The following HCN2 variants were observed in gnomAD, a reference collection of about 807,000 sequenced individuals.
HCN2 encodes potassium/sodium hyperpolarization-activated cyclic nucleotide-gated channel 2.
Under a neutral mutation model 52.3 loss-of-function variants are expected in HCN2, and 20 were observed. The ratio of observed to expected loss-of-function variants is 0.38; its 90% CI spans 0.27 to 0.56. HCN2 has a LOEUF of 0.56. HCN2 is among the 20% of genes least tolerant of loss of function. The pLI is 0.71. For missense variants in HCN2, 981 were observed against 1,207.7 expected, an observed-to-expected ratio of 0.81 and a Z score of 2.78; for synonymous variants, 694 against 537.0, an observed-to-expected ratio of 1.29 and a Z score of -4.04.
rs1983156797 is a variant in HCN2, at chr19:600,088, A to C, written c.633-3456A>C. ...ACCCTCCCTTGTCTGAGTCAGGCAC[A>C]CGCAGGCCATGTGGGCTCAGACCCC... On this transcript the variant is annotated intron_variant, in intron 1 of 7. Coordinates refer to ENST00000251287, the MANE Select transcript of HCN2 (RefSeq NM_001194.4). 2.0e-5 allele frequency among the ~76,000 whole-genome samples: 3 copies of C among 152,176 alleles called. No individual in the cohort carries two copies. The South Asian group carries it at 6.2e-4, about 32-fold the overall frequency.
chr19:615,146 C>T (rs546280571), intron 7 of HCN2, among the ~76,000 whole-genome samples: 23 of 152,170 alleles, frequency 1.5e-4, no homozygotes, highest in African/African-American at 2.6e-4. Context: ...ACATAATCAG[C>T]GTATACAGGT....
chr19:613,189 G>A, intron 5 of HCN2, 59 bp from the exon 6 acceptor site: 1 of 1,543,970 alleles, frequency 6.5e-7, no homozygotes, highest in Non-Finnish European at 8.7e-7. Flanking sequence ...CCAGAGGCAG[G>A]GCGAGGGGGA....
Position 593,734 on chromosome 19 carries a change from G to A in HCN2, c.632+3157G>A, listed in dbSNP as rs113083835. 5.9e-3 allele frequency among the ~76,000 whole-genome samples: 892 copies of A among 152,308 alleles called. 11 individuals carry two copies. The highest frequency in any genetic ancestry group is 0.025 in the South Asian group (121 of 4,826). The stretch of plus-strand genomic sequence containing the variant: ...GAAAGTCCCCAGAGGCATGCTGGGC[G>A]CTTCCCTGGGGTGCTGGTGGAAGAG... On this transcript the variant is annotated intron_variant, in intron 1 of 7. Transcript: ENST00000251287.
Position 616,552 on chromosome 19 carries a change from G to A in HCN2, c.*78G>A. 1 of 845,322 alleles carries A rather than the reference G, an allele frequency of 1.2e-6. No individual in the cohort carries two copies. Among genetic ancestry groups the A allele is most frequent in the Non-Finnish European group, 1.5e-6 (1 of 663,592 alleles). The allele number at this position is 845,322 out of a possible 1,614,324, so 52.4% of individuals were successfully genotyped here. A position where few individuals can be genotyped will look rare whatever the true frequency, so the allele number is the denominator to read the frequency against. On this transcript the variant is annotated 3_prime_UTR_variant, in exon 8 of 8. Transcript: ENST00000251287. Reference sequence around the variant, plus strand: ...CAGACCAAAGCCATGCCATTGCGCTGCCCCGGCCGCCAGTCCGCCCAGAAG... The same window carrying A: ...CAGACCAAAGCCATGCCATTGCGCTACCCCGGCCGCCAGTCCGCCCAGAAG...
intron 5 of HCN2, among the ~76,000 whole-genome samples, chr19:610,770 C>T (rs117313382): frequency 3.3e-5 from 5 of 152,268 alleles, no homozygotes; most frequent in East Asian, 1.9e-4. Context: ...AGCTCTGTTC[C>T]GGTAGCCTGA....
At chr19:599,271 C>G (rs1218043876) in intron 1 of HCN2, among the ~76,000 whole-genome samples, 1 of 152,238 alleles carries the variant, frequency 6.6e-6, no homozygotes, top group Non-Finnish European at 1.5e-5. Context: ...GTGGTGTTAA[C>G]AGCTTTTCCC....
rs367969396 is a variant in HCN2 at position 614,023 on chromosome 19, G to A, written c.1990+7G>A. On this transcript the variant is annotated splice_region_variant and intron_variant, in intron 7 of 7. Transcript: ENST00000251287. ...GACCGCCTGGACCGCATCGGTGAGC[G>A]GGCCGGGGGCGTGGCCGGGGCGGGT... 1.8e-4 allele frequency: 290 copies of A among 1,568,660 alleles called. No homozygotes were observed. The highest frequency in any genetic ancestry group is 2.1e-4 in the Non-Finnish European group (241 of 1,159,394).
intron 4 of HCN2, among the ~76,000 whole-genome samples, chr19:609,620 G>C (rs1983538789): frequency 6.6e-6 from 1 of 152,220 alleles, no homozygotes; most frequent in African/African-American, 2.4e-5. Context: ...TAAAAAATTA[G>C]CAGGGCAGGG....
Position 611,871 on chromosome 19 carries a change from C to T in HCN2, c.1585-1377C>T, listed in dbSNP as rs559416198. On this transcript the variant is annotated intron_variant, in intron 5 of 7. Transcript: ENST00000251287. The stretch of plus-strand genomic sequence containing the variant: ...ATCTTTAAACCCACATATGGCCAGG[C>T]GTGGTGGCTCACGCCTGTAATCCCA... 2.6e-4 allele frequency among the ~76,000 whole-genome samples: 40 copies of T among 152,282 alleles called. No homozygotes were observed. In the East Asian group the frequency reaches 4.2e-3, roughly 16 times the overall value.
At chr19:593,561 A>C (rs1982935787) in intron 1 of HCN2, among the ~76,000 whole-genome samples, 1 of 152,194 alleles carries the variant, frequency 6.6e-6, no homozygotes, top group African/African-American at 2.4e-5. Context: ...CAGAGGTTGC[A>C]GTGAGCCGAG....
chr19:604,531 G>GGTT, intron 2 of HCN2, among the ~76,000 whole-genome samples: 1 of 142,462 alleles, frequency 7.0e-6, no homozygotes, highest in Non-Finnish European at 1.5e-5. Context: ...GGGCTGTGAG[G>GGTT]GTGCTGGGCG....
chr19:590,297 G>C lies in HCN2; in HGVS notation c.352G>C (p.Ala118Pro). ...QCSPAGPEGP[A>P]RGPKVSFSCR... ...CAGCCCCGCGGGGCCCGAGGGCCCG[G>C]CGCGGGGGCCCAAGGTGTCGTTCTC... The change falls in exon 1 of 8, where the codon GCG (alanine) becomes CCG (proline). Residue 118 changes from alanine (A) to proline (P), a missense_variant. By Grantham distance (27) the Ala-to-Pro change is conservative. Around this residue, in one of 6 missense-constraint regions of HCN2, gnomAD observed 215 missense variants for 179.4 expected, o/e 1.20. Transcript: ENST00000251287. The surrounding 1 kb of genome is among the most constrained non-coding windows in gnomAD (Gnocchi z 7.2). The C allele has an allele frequency of 1.0e-6, 1 of 997,638 alleles. No individual in the cohort carries two copies. Among genetic ancestry groups the C allele is most frequent in the Non-Finnish European group, 1.2e-6 (1 of 839,936 alleles). The allele number at this position is 997,638 out of a possible 1,614,324, so 61.8% of individuals were successfully genotyped here.
In HCN2 at chr19:592,635, C is replaced by T. The variant is rs531181545; in HGVS notation, c.632+2058C>T. 3.9e-5 allele frequency among the ~76,000 whole-genome samples: 6 copies of T among 152,188 alleles called. No individual in the cohort carries two copies. In the South Asian group the frequency reaches 1.0e-3, roughly 26 times the overall value. On this transcript the variant is annotated intron_variant, in intron 1 of 7. Coordinates refer to ENST00000251287, the MANE Select transcript of HCN2 (RefSeq NM_001194.4). The surrounding 1 kb of genome is among the most constrained non-coding windows in gnomAD (Gnocchi z 4.8). ...CCTGTCTTCGGGACTAGGGGAGTCA[C>T]GGCAGTCAGATTTTAAAAAAGGATT...
chr19:604,520 A>C (rs533381432), intron 2 of HCN2, among the ~76,000 whole-genome samples: 313 of 21,212 alleles, frequency 0.015, 3 homozygotes, highest in African/African-American at 0.057. Context: ...GAGCAGGGGC[A>C]GGGCTGTGAG....
chr19:602,105 T>C (rs1248160026), intron 1 of HCN2, among the ~76,000 whole-genome samples: 1 of 114,422 alleles, frequency 8.7e-6, no homozygotes. Flanking sequence ...TCCTCCCCTC[T>C]CCTCCTGCGT....
chr19:609,553 G>C (rs1164909729), intron 4 of HCN2, among the ~76,000 whole-genome samples: 1 of 152,222 alleles, frequency 6.6e-6, no homozygotes, highest in Non-Finnish European at 1.5e-5. Context: ...ATCGCCTGAG[G>C]TCAGGAGTTT....
chr19:616,769 G>C lies in HCN2; in HGVS notation c.*295G>C. On this transcript the variant is annotated 3_prime_UTR_variant, in exon 8 of 8. Transcript: ENST00000251287. ...TCAGTTCCCCCAGCTGTAAGACAGG[G>C]ACGGGGCGGCCCAGTGGCTGAGAGG... 4.8e-6 allele frequency: 1 copy of C among 208,024 alleles called. No individual in the cohort carries two copies. 12.9% of individuals were successfully genotyped at this position (208,024 alleles called of 1,614,324 possible).
chr19:616,106 GCCGCCGCCTCACCCGGGCCC>G lies in HCN2; in HGVS notation c.2308_2327del (p.Ala770ProfsTer?), dbSNP rs1983902330. 1 of 950,642 alleles carries G rather than the reference GCCGCCGCCTCACCCGGGCCC, an allele frequency of 1.1e-6. No individual in the cohort carries two copies. The highest frequency in any genetic ancestry group is 1.2e-6 in the Non-Finnish European group (1 of 803,022). 58.9% of individuals were successfully genotyped at this position (950,642 alleles called of 1,614,324 possible). Reference sequence around the variant, plus strand: ...CCGCCCGCCCCCGGGGCCCGCACCTGCCGCCGCCTCACCCGGGCCCCCGCCCCCCGCCAGCCCCCCGGGCG... The same window carrying G: ...CCGCCCGCCCCCGGGGCCCGCACCTGCCGCCCCCCGCCAGCCCCCCGGGCG... On this transcript the variant is annotated frameshift_variant, in exon 8 of 8. Transcript: ENST00000251287. LOFTEE classifies it low-confidence loss of function (END_TRUNC).
At chr19:601,074 C>T (rs1027692008) in intron 1 of HCN2, among the ~76,000 whole-genome samples, 2 of 152,074 alleles carry the variant, frequency 1.3e-5, no homozygotes, top group East Asian at 1.9e-4. Flanking sequence ...CCACACTTTG[C>T]GAGGCCTAGG....
Sources: allele counts gnomAD v4.1 joint callset (sites outside exome capture counted in the v4.1 genomes callset), GRCh38; gene constraint gnomAD v4.1.1; regional missense constraint gnomAD v4.1.1; non-coding constraint Gnocchi (gnomAD v3.1); transcripts MANE v1.5; gene names NCBI Gene and HGNC (gene_info 2026-07-23, HGNC 2026-07-21).